Variants in AP2M1 observed in about 807,000 individuals in gnomAD.
AP2M1 encodes the protein adaptor related protein complex 2 subunit mu 1, also known as AP-2 complex subunit mu.
AP2M1 carries 5 observed loss-of-function variants against 54.5 expected under a neutral mutation model. The ratio of observed to expected loss-of-function variants is 0.09; its 90% CI spans 0.05 to 0.19. AP2M1 has a LOEUF of 0.19. AP2M1 is among the 10% of genes least tolerant of loss of function. AP2M1 has a pLI of 1.00. For missense variants in AP2M1, 178 were observed against 580.2 expected, an observed-to-expected ratio of 0.31 and a Z score of 7.12; for synonymous variants, 186 against 208.2, an observed-to-expected ratio of 0.89 and a Z score of 0.92.
Position 184,179,392 on chromosome 3 carries a change from C to G in AP2M1, c.340+270C>G, listed in dbSNP as rs567826948. On this transcript the variant is annotated intron_variant, in intron 3 of 11. Coordinates refer to ENST00000292807, the MANE Select transcript of AP2M1 (RefSeq NM_004068.4). The stretch of plus-strand genomic sequence containing the variant: ...TGACTCAGGTTTGGTGGCTGAACCT[C>G]CTGTATTCATCCTCTTTCCTTTGTG... 199 of 466,022 alleles carry G rather than the reference C, an allele frequency of 4.3e-4. 1 individual carries two copies. Among genetic ancestry groups the G allele is most frequent in the Non-Finnish European group, 7.0e-4 (179 of 256,572 alleles). The allele number at this position is 466,022 out of a possible 1,614,324, so 28.9% of individuals were successfully genotyped here.
At chr3:184,175,729 G>C (rs752298347) in intron 1 of AP2M1, among the ~76,000 whole-genome samples, 2 of 152,064 alleles carry the variant, frequency 1.3e-5, no homozygotes, top group African/African-American at 4.8e-5. Flanking sequence ...TCTTGCCCAA[G>C]GCCCCCCTCT....
At chr3:184,179,165 A>G (rs1715186529) in intron 3 of AP2M1, 43 bp downstream of exon 3, 3 of 1,601,574 alleles carry the variant, frequency 1.9e-6, no homozygotes, top group South Asian at 2.2e-5. Flanking sequence ...TAGGGTGGGA[A>G]AAAACCAGGC....
In AP2M1 at chr3:184,181,075, C is replaced by T. The variant is rs547559833; in HGVS notation, c.566-10C>T. On this transcript the variant is annotated splice_polypyrimidine_tract_variant and intron_variant, in intron 6 of 11. Transcript: ENST00000292807. The surrounding 1 kb of genome is among the most constrained non-coding windows in gnomAD (Gnocchi z 5.7). ...CTCCGCTGCTCCCCATTTATCTGTT[C>T]CATCACCAGGGCAGGTGCTGAGTGC... 7 of 1,614,128 alleles carry T rather than the reference C, an allele frequency of 4.3e-6. No individual in the cohort carries two copies. The highest frequency in any genetic ancestry group is 4.0e-5 in the African/African-American group (3 of 75,048).
chr3:184,180,781 G>A lies in AP2M1; in HGVS notation c.430-68G>A, dbSNP rs745914776. The A allele has an allele frequency of 1.0e-4, 165 of 1,614,044 alleles. 1 individual carries two copies. Among genetic ancestry groups the A allele is most frequent in the Admixed American group, 8.3e-5 (5 of 60,018 alleles). ...GGATGGGGAATGAGGGTGGAGTGGG[G>A]ATAGAGACAGGATGATTAAAGGGAC... On this transcript the variant is annotated intron_variant, in intron 5 of 11. Transcript: ENST00000292807. This position sits in a 1 kb window ranked among gnomAD's most constrained non-coding sequence, Gnocchi z 4.9.
At chr3:184,176,123 T>C (rs1454552862) in intron 1 of AP2M1, among the ~76,000 whole-genome samples, 1 of 152,216 alleles carries the variant, frequency 6.6e-6, no homozygotes, top group African/African-American at 2.4e-5. Flanking sequence ...AGTTACTTCA[T>C]GGGCCTGGAA....
At chr3:184,176,168 T>G (rs1035676724) in intron 1 of AP2M1, among the ~76,000 whole-genome samples, 1 of 152,194 alleles carries the variant, frequency 6.6e-6, no homozygotes, top group African/African-American at 2.4e-5. Context: ...CTTAATTTTA[T>G]GAGCCTGCGC....
rs975850058 is a variant in AP2M1, at chr3:184,176,630, A to G, written c.-43-321A>G. ...CTGGCGGGAGCCCGAGAGTCTGCAC[A>G]GGAGGGGGCCGAAAAGGATCATTCC... is the stretch of plus-strand genomic sequence containing the variant. On this transcript the variant is annotated intron_variant, in intron 1 of 11. Transcript: ENST00000292807. 12 of 343,642 alleles carry G rather than the reference A, an allele frequency of 3.5e-5. No homozygotes were observed. In the South Asian group the frequency reaches 1.5e-3, roughly 43 times the overall value. 21.3% of individuals were successfully genotyped at this position (343,642 alleles called of 1,614,324 possible). A position where few individuals can be genotyped will look rare whatever the true frequency, so the allele number is the denominator to read the frequency against.
chr3:184,182,632 T>C lies in AP2M1; in HGVS notation c.1062-125T>C, dbSNP rs1715311384. 1 of 750,794 alleles carries C rather than the reference T, an allele frequency of 1.3e-6. No individual in the cohort carries two copies. Among genetic ancestry groups the C allele is most frequent in the Admixed American group, 2.6e-5 (1 of 39,148 alleles). The allele number at this position is 750,794 out of a possible 1,614,324, so 46.5% of individuals were successfully genotyped here. A position where few individuals can be genotyped will look rare whatever the true frequency, so the allele number is the denominator to read the frequency against. On this transcript the variant is annotated intron_variant, in intron 10 of 11. Coordinates refer to ENST00000292807, the MANE Select transcript of AP2M1 (RefSeq NM_004068.4). The surrounding 1 kb of genome is among the most constrained non-coding windows in gnomAD (Gnocchi z 5.5). ...CCATAGCAAGTGGTTAGCAGGGTCC[T>C]GACCACTTCTCCTTGTTCTGGCACC... is the stretch of plus-strand genomic sequence containing the variant.
intron 2 of AP2M1, 135 bp downstream of exon 2, chr3:184,177,202 A>T (rs1577057472): frequency 2.2e-6 from 2 of 892,234 alleles, no homozygotes; most frequent in East Asian, 2.7e-5. Context: ...AAGCTCAGCT[A>T]GTGTAGCCTG....
At chr3:184,176,811 A>G in intron 1 of AP2M1, 140 bp from the exon 2 acceptor site, 1 of 537,356 alleles carries the variant, frequency 1.9e-6, no homozygotes, top group Non-Finnish European at 3.2e-6. Flanking sequence ...GGCTGAGGGG[A>G]GGGGCATGTC....
rs1403187366 is a variant in AP2M1 at position 184,183,466 on chromosome 3, A to G, written c.1174-16A>G. On this transcript the variant is annotated splice_polypyrimidine_tract_variant and intron_variant, in intron 11 of 11. Transcript: ENST00000292807. This position sits in a 1 kb window ranked among gnomAD's most constrained non-coding sequence, Gnocchi z 5.7. ...TAAGAGGAAGGCCACATTTCTAACT[A>G]GCTCTCCTTGCCCAGGTGCCATTCG... 6.2e-7 allele frequency: 1 copy of G among 1,613,964 alleles called. No individual in the cohort carries two copies. Among genetic ancestry groups the G allele is most frequent in the Non-Finnish European group, 8.5e-7 (1 of 1,179,998 alleles).
At position 184,181,844 on chromosome 3, in the gene AP2M1, GTGCTGCTGGCAGAC is replaced by G. The variant is rs756552319; in HGVS notation, c.827+32_827+45del. 1.2e-6 allele frequency: 2 copies of G among 1,614,160 alleles called. No homozygotes were observed. Reference sequence around the variant, plus strand: ...CCATTGGGGTGTGAGGAGGCAGCTAGTGCTGCTGGCAGACTGGGGAGAGGAAGTGGGTCAGCTCT... The same window carrying G: ...CCATTGGGGTGTGAGGAGGCAGCTAGTGGGGAGAGGAAGTGGGTCAGCTCT... On this transcript the variant is annotated intron_variant, in intron 8 of 11. Transcript: ENST00000292807. This position sits in a 1 kb window ranked among gnomAD's most constrained non-coding sequence, Gnocchi z 5.7.
intron 3 of AP2M1, among the ~76,000 whole-genome samples, chr3:184,179,662 CTTT>C (rs368749437): frequency 3.0e-5 from 4 of 135,064 alleles, no homozygotes; most frequent in Non-Finnish European, 3.1e-5. Flanking sequence ...GATTTCTTTT[CTTT>C]TTTTTTTTTT....
chr3:184,181,699 G>A lies in AP2M1; in HGVS notation c.711G>A (p.Gly237=). 1 of 1,613,912 alleles carries A rather than the reference G, an allele frequency of 6.2e-7. No homozygotes were observed. The highest frequency in any genetic ancestry group is 8.5e-7 in the Non-Finnish European group (1 of 1,179,874). The change falls in exon 8 of 12, where the codon GGG becomes GGA. Residue 237 remains glycine, a synonymous_variant. Coordinates refer to ENST00000292807, the MANE Select transcript of AP2M1 (RefSeq NM_004068.4). This position sits in a 1 kb window ranked among gnomAD's most constrained non-coding sequence, Gnocchi z 5.7. ...CCTCTTCTGCCCCTGCTTGCAGCGG[G>A]AAGCAATCAATTGCCATTGATGACT... ...KGTADETSKS[G]KQSIAIDDCT...
chr3:184,178,011 C>G lies in AP2M1; in HGVS notation c.75-846C>G. 1 of 653,636 alleles carries G rather than the reference C, an allele frequency of 1.5e-6. No individual in the cohort carries two copies. Among genetic ancestry groups the G allele is most frequent in the Non-Finnish European group, 2.7e-6 (1 of 364,654 alleles). The allele number at this position is 653,636 out of a possible 1,614,324, so 40.5% of individuals were successfully genotyped here. A position where few individuals can be genotyped will look rare whatever the true frequency, so the allele number is the denominator to read the frequency against. On this transcript the variant is annotated intron_variant, in intron 2 of 11. Transcript: ENST00000292807. The surrounding 1 kb of genome is among the most constrained non-coding windows in gnomAD (Gnocchi z 4.9). ...GCCTGTCTGAACCTGGCTGGCTACACCCCCCACCCCAGACCCCCTCCTGCC... is the reference window on the plus strand; with the variant it reads ...GCCTGTCTGAACCTGGCTGGCTACAGCCCCCACCCCAGACCCCCTCCTGCC...
At position 184,180,466 on chromosome 3, in the gene AP2M1, C is replaced by T. The variant is rs1715233799; in HGVS notation, c.424-179C>T. On this transcript the variant is annotated intron_variant, in intron 4 of 11. Coordinates refer to ENST00000292807, the MANE Select transcript of AP2M1 (RefSeq NM_004068.4). This position sits in a 1 kb window ranked among gnomAD's most constrained non-coding sequence, Gnocchi z 4.9. Reference sequence around the variant, plus strand: ...CATCTCTATTACCAGGAATACAGCTCAAGCAGTTTCCTTTTGCACTGAGGG... The same window carrying T: ...CATCTCTATTACCAGGAATACAGCTTAAGCAGTTTCCTTTTGCACTGAGGG... 1 of 1,100,912 alleles carries T rather than the reference C, an allele frequency of 9.1e-7. No homozygotes were observed. Among genetic ancestry groups the T allele is most frequent in the Non-Finnish European group, 1.3e-6 (1 of 757,400 alleles). 68.2% of individuals were successfully genotyped at this position (1,100,912 alleles called of 1,614,324 possible).
At chr3:184,175,149 C>T in intron 1 of AP2M1, 190 bp downstream of exon 1, 1 of 394,362 alleles carries the variant, frequency 2.5e-6, no homozygotes, top group Non-Finnish European at 4.5e-6. Context: ...GCAGGGCTGG[C>T]GGGGAGCGGT....
Position 184,183,128 on chromosome 3 carries a change from A to G in AP2M1, c.1173+260A>G, listed in dbSNP as rs1236837807. On this transcript the variant is annotated intron_variant, in intron 11 of 11. Transcript: ENST00000292807. This position sits in a 1 kb window ranked among gnomAD's most constrained non-coding sequence, Gnocchi z 5.7. ...ACTTAGATTGTTTAAATGCCAGGTA[A>G]GACACAAAGTTTACTTACAGACAGG... 2 of 566,308 alleles carry G rather than the reference A, an allele frequency of 3.5e-6. No homozygotes were observed. Among genetic ancestry groups the G allele is most frequent in the African/African-American group, 3.7e-5 (2 of 53,424 alleles). The allele number at this position is 566,308 out of a possible 1,614,324, so 35.1% of individuals were successfully genotyped here.
At chr3:184,176,583 G>T (rs1350197875) in intron 1 of AP2M1, among the ~76,000 whole-genome samples, 1 of 152,116 alleles carries the variant, frequency 6.6e-6, no homozygotes, top group Admixed American at 6.5e-5. Context: ...CCGCAGGCAG[G>T]CAGGCAAGCC....
Sources: gnomAD v4.1 joint callset for allele counts (sites outside exome capture counted in the v4.1 genomes callset) on GRCh38, gnomAD v4.1.1 for gene constraint, Gnocchi (gnomAD v3.1) non-coding constraint, MANE v1.5 for transcripts, NCBI Gene and HGNC (gene_info 2026-07-23, HGNC 2026-07-21) for gene names.